The following DLC1 variants were observed in gnomAD, a reference collection of about 807,000 sequenced individuals.
The protein encoded by DLC1 is DLC1 Rho GTPase activating protein.
In DLC1, 54 loss-of-function variants were observed where a neutral mutation model predicts 140.3. That is an observed-to-expected ratio of 0.38 (90% CI 0.31 to 0.48). The LOEUF is 0.48. Ranked by LOEUF, DLC1 falls within the 20% of genes least tolerant of loss-of-function variation. The pLI, the probability that DLC1 is intolerant of heterozygous loss-of-function variation, is 0.96. For synonymous variants in DLC1, 986 were observed against 728.1 expected (o/e 1.35, Z -5.70); for missense variants, 2,536 against 1,907.0 (o/e 1.33, Z -6.14).
At chr8:13,325,881 C>T (rs898286656) in intron 4 of DLC1, among the ~76,000 whole-genome samples, 7 of 152,072 alleles carry the variant, frequency 4.6e-5, no homozygotes, top group African/African-American at 1.7e-4. Flanking sequence ...TACAGTCATG[C>T]ACTGTAACGA....
At chr8:13,463,975 A>C (rs1488094877) in intron 2 of DLC1, among the ~76,000 whole-genome samples, 2 of 152,204 alleles carry the variant, frequency 1.3e-5, no homozygotes, top group Non-Finnish European at 2.9e-5. Flanking sequence ...AAAAGAAGAG[A>C]GAAAAAGATG....
chr8:13,357,307 C>G (rs1466554229), intron 4 of DLC1, among the ~76,000 whole-genome samples: 1 of 152,178 alleles, frequency 6.6e-6, no homozygotes, highest in Non-Finnish European at 1.5e-5. Context: ...CCAGAGATTA[C>G]ATCCAAATTC....
At chr8:13,569,695 G>C (rs1298224648) in intron 1 of DLC1, among the ~76,000 whole-genome samples, 1 of 152,122 alleles carries the variant, frequency 6.6e-6, no homozygotes, top group Non-Finnish European at 1.5e-5. Flanking sequence ...TCAGCATACA[G>C]TTCTCAGAAT....
At chr8:13,538,810 C>A (rs146111297) in intron 1 of DLC1, among the ~76,000 whole-genome samples, 6 of 152,224 alleles carry the variant, frequency 3.9e-5, no homozygotes, top group Non-Finnish European at 7.3e-5. Flanking sequence ...AATAACCTCA[C>A]TGTATGTGAG....
Position 13,092,624 on chromosome 8 carries a change from T to C in DLC1, c.3728A>G (p.Asn1243Ser), listed in dbSNP as rs1818170064. ...ATGCAGCCCGTACCTGGGAGAGGAA[T>C]TCTCTCTCTTCAGGGTGTTGAGATG... is the stretch of plus-strand genomic sequence containing the variant. ...LFHLNTLKRE[N>S]SSPRVMQRKQ... The change falls in exon 13 of 18, where the codon AAT (asparagine) becomes AGT (serine). Residue 1243 changes from asparagine (N) to serine (S), a missense_variant. Physicochemically the swap from Asn to Ser is conservative, Grantham distance 46 (BLOSUM62 1). Coordinates refer to ENST00000276297, the MANE Select transcript of DLC1 (RefSeq NM_182643.3). 1.9e-6 allele frequency: 3 copies of C among 1,614,108 alleles called. No homozygotes were observed. The highest frequency in any genetic ancestry group is 2.5e-6 in the Non-Finnish European group (3 of 1,180,004).
intron 2 of DLC1, among the ~76,000 whole-genome samples, chr8:13,405,917 T>TC (rs1837511771): frequency 2.4e-5 from 2 of 84,904 alleles, no homozygotes; most frequent in African/African-American, 4.7e-5. Flanking sequence ...CTTTCTTTTC[T>TC]TTTCTTTCTT....
intron 5 of DLC1, among the ~76,000 whole-genome samples, chr8:13,147,425 C>T (rs1293543393): frequency 6.6e-6 from 1 of 152,192 alleles, no homozygotes; most frequent in Non-Finnish European, 1.5e-5. Flanking sequence ...TTCCTTCTCT[C>T]ACTCATTTCG....
At chr8:13,152,350 T>G (rs1243913331) in intron 5 of DLC1, among the ~76,000 whole-genome samples, 2 of 152,244 alleles carry the variant, frequency 1.3e-5, no homozygotes, top group African/African-American at 4.8e-5. Flanking sequence ...GATTTTGGAT[T>G]AAACTCTGTA....
intron 2 of DLC1, among the ~76,000 whole-genome samples, chr8:13,437,169 C>T (rs752211097): frequency 3.9e-5 from 6 of 152,102 alleles, no homozygotes; most frequent in Non-Finnish European, 5.9e-5. Flanking sequence ...CTCAAGTTGA[C>T]AAGTTGAGAA....
At chr8:13,261,392 T>C (rs55739613) in intron 5 of DLC1, among the ~76,000 whole-genome samples, 18,890 of 152,118 alleles carry the variant, frequency 0.12, 1,238 homozygotes, top group South Asian at 0.24. Flanking sequence ...GAAGAGTAGG[T>C]AGGCCCCAGG....
At chr8:13,487,715 G>A (rs561598383) in intron 2 of DLC1, among the ~76,000 whole-genome samples, 1 of 152,164 alleles carries the variant, frequency 6.6e-6, no homozygotes. Flanking sequence ...TGGGATGACA[G>A]GTGCCCACCA....
At chr8:13,418,632 T>A (rs546797891) in intron 2 of DLC1, among the ~76,000 whole-genome samples, 17 of 152,360 alleles carry the variant, frequency 1.1e-4, no homozygotes, top group African/African-American at 4.1e-4. Flanking sequence ...GTATATAGTT[T>A]GAAGTCAGGT....
chr8:13,229,097 G>A (rs1227127908), intron 5 of DLC1, among the ~76,000 whole-genome samples: 6 of 152,104 alleles, frequency 3.9e-5, no homozygotes, highest in South Asian at 2.1e-4. Context: ...CAAGAGCAAC[G>A]AAAATGCATG....
intron 5 of DLC1, among the ~76,000 whole-genome samples, chr8:13,286,729 G>GA (rs988288934): frequency 0.14 from 14,320 of 100,766 alleles, 712 homozygotes; most frequent in African/African-American, 0.17. Flanking sequence ...AAAAAAAATA[G>GA]AAAAAAAAAA....
At chr8:13,465,526 A>G (rs1455891488) in intron 2 of DLC1, among the ~76,000 whole-genome samples, 2 of 151,978 alleles carry the variant, frequency 1.3e-5, no homozygotes, top group Non-Finnish European at 2.9e-5. Flanking sequence ...TTTATTGTCA[A>G]TATGGGTTTC....
chr8:13,567,022 G>T (rs1265229038), intron 1 of DLC1: 7 of 1,550,972 alleles, frequency 4.5e-6, no homozygotes, highest in Non-Finnish European at 6.1e-6. Context: ...GGCCCAAACG[G>T]ACAAAAGTGC....
At chr8:13,504,056 T>G (rs1425034960) in intron 1 of DLC1, among the ~76,000 whole-genome samples, 1 of 152,030 alleles carries the variant, frequency 6.6e-6, no homozygotes, top group Non-Finnish European at 1.5e-5. Flanking sequence ...TCCAGAGAAT[T>G]GCTTGCAACT....
chr8:13,131,276 T>C (rs993277436), intron 5 of DLC1, among the ~76,000 whole-genome samples: 12 of 152,162 alleles, frequency 7.9e-5, no homozygotes, highest in African/African-American at 2.9e-4. Flanking sequence ...CTGATAGATT[T>C]ACATTCAGAG....
intron 5 of DLC1, among the ~76,000 whole-genome samples, chr8:13,211,724 A>G (rs927588395): frequency 1.5e-4 from 23 of 152,294 alleles, no homozygotes; most frequent in African/African-American, 4.8e-4. Context: ...GAAAATGTCA[A>G]TTTCTTTTGC....
Sources: gnomAD v4.1 joint callset for allele counts (sites outside exome capture counted in the v4.1 genomes callset) on GRCh38, gnomAD v4.1.1 for gene constraint, MANE v1.5 for transcripts, NCBI Gene and HGNC (gene_info 2026-07-23, HGNC 2026-07-21) for gene names.